Variants in PCDHGA4 observed in about 807,000 individuals in gnomAD.
PCDHGA4 encodes the protein protocadherin gamma subfamily A, 4, also known as protocadherin gamma-A4.
Under a neutral mutation model 54.6 loss-of-function variants are expected in PCDHGA4, and 38 were observed. The observed-to-expected ratio is 0.70, with a 90% CI of 0.54 to 0.91. The LOEUF (loss-of-function observed/expected upper bound fraction) is 0.91, where lower values mean the gene tolerates loss of function less well. Among genes scored for constraint, PCDHGA4 ranks in the 40% least tolerant of loss-of-function variants. The pLI is 0.00. For synonymous variants in PCDHGA4, 511 were observed against 512.9 expected, an observed-to-expected ratio of 1.00 and a Z score of 0.05; for missense variants, 1,298 against 1,220.9, an observed-to-expected ratio of 1.06 and a Z score of -0.94.
intron 1 of PCDHGA4, chr5:141,423,189 T>A (rs2096719374): frequency 1.2e-6 from 2 of 1,613,562 alleles, no homozygotes; most frequent in Non-Finnish European, 8.5e-7. Flanking sequence ...GCCAGCCCCC[T>A]CTCTCGGCCA....
At chr5:141,446,642 A>T (rs939365233) in intron 1 of PCDHGA4, among the ~76,000 whole-genome samples, 2 of 151,970 alleles carry the variant, frequency 1.3e-5, no homozygotes, top group Admixed American at 1.3e-4. Flanking sequence ...ACGCCTGGCT[A>T]ATTTTTGTAT....
intron 1 of PCDHGA4, chr5:141,404,040 G>C (rs1373988780): frequency 6.2e-7 from 1 of 1,613,692 alleles, no homozygotes; most frequent in Non-Finnish European, 8.5e-7. Flanking sequence ...GCACCTCAGG[G>C]AACAGTAATT....
intron 1 of PCDHGA4, chr5:141,366,089 C>A (rs1764317908): frequency 1.9e-6 from 3 of 1,614,268 alleles, no homozygotes; most frequent in Non-Finnish European, 2.5e-6. Flanking sequence ...ACCTGGCTAC[C>A]TGGTGACCAA....
At chr5:141,394,950 G>C in intron 1 of PCDHGA4, 1 of 1,613,848 alleles carries the variant, frequency 6.2e-7, no homozygotes, top group Non-Finnish European at 8.5e-7. Context: ...TGTGCTTCTG[G>C]GGCTCAGGCT....
At chr5:141,478,137 G>C (rs762316494) in intron 1 of PCDHGA4, 1 of 1,613,872 alleles carries the variant, frequency 6.2e-7, no homozygotes, top group South Asian at 1.1e-5. Context: ...CCTGAAGCCC[G>C]AGCCGAGTTC....
chr5:141,433,742 C>G (rs927651405), intron 1 of PCDHGA4, among the ~76,000 whole-genome samples: 1 of 150,826 alleles, frequency 6.6e-6, no homozygotes, highest in Non-Finnish European at 1.5e-5. Flanking sequence ...GAGGCTGAGT[C>G]AGGAGAATTG....
At position 141,356,099 on chromosome 5, in the gene PCDHGA4, A is replaced by C. The variant is rs769953317; in HGVS notation, c.992A>C (p.Asp331Ala). The change falls in exon 1 of 4, where the codon GAT (aspartate) becomes GCT (alanine). Residue 331 changes from aspartate to alanine, a missense_variant. Coordinates refer to ENST00000571252, the MANE Select transcript of PCDHGA4 (RefSeq NM_018917.4). ...TTTCAGTTGAATTCTCTGAGTGGGG[A>C]TATAACAATATTGGGGGGTCTAGAT... ...QLFQLNSLSG[D>A]ITILGGLDYE... 1.2e-6 allele frequency: 2 copies of C among 1,613,764 alleles called. No individual in the cohort carries two copies. Among genetic ancestry groups the C allele is most frequent in the African/African-American group, 1.3e-5 (1 of 74,926 alleles).
At chr5:141,405,145 G>A (rs772542898) in intron 1 of PCDHGA4, 4 of 1,613,952 alleles carry the variant, frequency 2.5e-6, no homozygotes, top group African/African-American at 2.7e-5. Context: ...CCAGTGATGG[G>A]TTGGCTGGTG....
At chr5:141,433,406 T>C (rs2097604777) in intron 1 of PCDHGA4, among the ~76,000 whole-genome samples, 1 of 149,982 alleles carries the variant, frequency 6.7e-6, no homozygotes, top group Non-Finnish European at 1.5e-5. Flanking sequence ...TATCTATCTA[T>C]TACTTTCTTG....
rs576318312 is a variant in PCDHGA4, at chr5:141,410,171, A to G, written c.2514+52550A>G. On this transcript the variant is annotated intron_variant, in intron 1 of 3. Coordinates refer to ENST00000571252, the MANE Select transcript of PCDHGA4 (RefSeq NM_018917.4). ...CGGTGGACAGCCGCCACTCTCTGCCACCGCCACGCTTCATCTGGTCTTCGC... is the reference window on the plus strand; with the variant it reads ...CGGTGGACAGCCGCCACTCTCTGCCGCCGCCACGCTTCATCTGGTCTTCGC... 181 of 1,613,780 alleles carry G rather than the reference A, an allele frequency of 1.1e-4. 1 individual carries two copies. The East Asian group carries it at 4.0e-3, about 36-fold the overall frequency.
chr5:141,412,459 A>C (rs1267719740), intron 1 of PCDHGA4: 1 of 152,232 alleles, frequency 6.6e-6, no homozygotes, highest in Non-Finnish European at 1.5e-5. Flanking sequence ...AAACTATTCT[A>C]GAAGAGTACT....
In PCDHGA4 at chr5:141,355,989, C is replaced by G. The variant is rs539292307; in HGVS notation, c.882C>G (p.Thr294=). Residue 294 remains threonine (T), a synonymous_variant, in exon 1 of 4, where the codon ACC becomes ACG. Coordinates refer to ENST00000571252, the MANE Select transcript of PCDHGA4 (RefSeq NM_018917.4). ...ENVPVGTRLL[T]VKATDPDEGA... ...TTCCTGTAGGCACTCGGCTACTCAC[C>G]GTAAAAGCCACTGATCCAGATGAAG... 1.9e-6 allele frequency: 3 copies of G among 1,613,804 alleles called. No homozygotes were observed. Among genetic ancestry groups the G allele is most frequent in the Middle Eastern group, 1.6e-4 (1 of 6,062 alleles).
intron 2 of PCDHGA4, among the ~76,000 whole-genome samples, chr5:141,501,876 C>T (rs1463329895): frequency 6.6e-6 from 1 of 152,118 alleles, no homozygotes; most frequent in East Asian, 1.9e-4. Context: ...CGCCTCCTTA[C>T]ACTCCTGATC....
intron 1 of PCDHGA4, chr5:141,421,377 C>T (rs1168242339): frequency 1.9e-6 from 3 of 1,613,924 alleles, no homozygotes; most frequent in South Asian, 1.1e-5. Context: ...GCAATATCTC[C>T]AAGGACCTGG....
At chr5:141,499,331 TCA>T (rs2099791249) in intron 2 of PCDHGA4, among the ~76,000 whole-genome samples, 1 of 152,220 alleles carries the variant, frequency 6.6e-6, no homozygotes, top group African/African-American at 2.4e-5. Context: ...CTGCTCTCTC[TCA>T]GTTTGGGCAG....
At chr5:141,438,914 C>T (rs1249997741) in intron 1 of PCDHGA4, among the ~76,000 whole-genome samples, 1 of 151,906 alleles carries the variant, frequency 6.6e-6, no homozygotes, top group Non-Finnish European at 1.5e-5. Flanking sequence ...GATCCACCTG[C>T]CTTGGCCTCC....
At chr5:141,478,733 T>C (rs1562072874) in intron 1 of PCDHGA4, 8 of 1,537,128 alleles carry the variant, frequency 5.2e-6, no homozygotes, top group Non-Finnish European at 7.0e-6. Context: ...AGAGTGTGGT[T>C]TGTGGTCCCA....
chr5:141,427,907 C>T, intron 1 of PCDHGA4: 1 of 1,575,688 alleles, frequency 6.3e-7, no homozygotes, highest in Non-Finnish European at 8.7e-7. Flanking sequence ...CCGCGCTCAG[C>T]GCCAACATGA....
intron 2 of PCDHGA4, among the ~76,000 whole-genome samples, chr5:141,502,135 G>A (rs1254187943): frequency 6.6e-6 from 1 of 152,154 alleles, no homozygotes; most frequent in East Asian, 1.9e-4. Context: ...GAGCTCAGTC[G>A]GGCCGGAAGT....
Sources: gnomAD v4.1 joint callset for allele counts (sites outside exome capture counted in the v4.1 genomes callset) on GRCh38, gnomAD v4.1.1 for gene constraint, MANE v1.5 for transcripts, NCBI Gene and HGNC (gene_info 2026-07-23, HGNC 2026-07-21) for gene names.